The following PPARD variants were observed in gnomAD, a reference collection of about 807,000 sequenced individuals.
PPARD encodes peroxisome proliferator activated receptor delta.
PPARD carries 6 observed loss-of-function variants against 39.5 expected under a neutral mutation model. That is an observed-to-expected ratio of 0.15 (90% CI 0.08 to 0.30). The LOEUF (loss-of-function observed/expected upper bound fraction) is 0.30. PPARD is among the 10% of genes least tolerant of loss of function. PPARD has a pLI of 1.00. For synonymous variants in PPARD, 210 were observed against 231.3 expected, an observed-to-expected ratio of 0.91 and a Z score of 0.83; for missense variants, 397 against 596.8, an observed-to-expected ratio of 0.67 and a Z score of 3.49.
At chr6:35,391,511 A>C (rs973140018) in intron 2 of PPARD, among the ~76,000 whole-genome samples, 3 of 152,254 alleles carry the variant, frequency 2.0e-5, no homozygotes, top group African/African-American at 7.2e-5. Context: ...AGTTGGCCCT[A>C]GTAAAAGTGA....
At chr6:35,348,602 T>C in intron 2 of PPARD, 1 of 985,440 alleles carries the variant, frequency 1.0e-6, no homozygotes, top group Non-Finnish European at 1.2e-6. Context: ...AGTAGCTGTT[T>C]GTGGGCTTCA....
At chr6:35,419,218 C>T (rs1192979494) in intron 3 of PPARD, among the ~76,000 whole-genome samples, 2 of 152,102 alleles carry the variant, frequency 1.3e-5, no homozygotes, top group African/African-American at 4.8e-5. Context: ...GTCATCATGG[C>T]AGAGGTAGGA....
At chr6:35,355,592 CTTCTTCTTTTT>C (rs1172218406) in intron 2 of PPARD, among the ~76,000 whole-genome samples, 1 of 49,374 alleles carries the variant, frequency 2.0e-5, no homozygotes, top group African/African-American at 1.1e-4. Flanking sequence ...CTTTCTTCTT[CTTCTTCTTTTT>C]TTTTTTTTTT....
chr6:35,376,814 A>C (rs1366592379), intron 2 of PPARD, among the ~76,000 whole-genome samples: 1 of 151,782 alleles, frequency 6.6e-6, no homozygotes. Context: ...AGGTCAGGAG[A>C]TTGAGACCAT....
At chr6:35,357,971 C>T (rs1761717218) in intron 2 of PPARD, among the ~76,000 whole-genome samples, 1 of 152,212 alleles carries the variant, frequency 6.6e-6, no homozygotes, top group African/African-American at 2.4e-5. Context: ...ACTTTTGGAG[C>T]TTGCTTCCTT....
chr6:35,392,201 G>C (rs13206255), intron 2 of PPARD, among the ~76,000 whole-genome samples: 45 of 151,460 alleles, frequency 3.0e-4, no homozygotes, highest in African/African-American at 1.1e-3. Flanking sequence ...GGCTGGAACC[G>C]CACCAGCAGC....
At chr6:35,380,963 A>G (rs1259022251) in intron 2 of PPARD, among the ~76,000 whole-genome samples, 1 of 151,778 alleles carries the variant, frequency 6.6e-6, no homozygotes, top group East Asian at 1.9e-4. Context: ...TCCTCTCTCC[A>G]CCGCTCCATC....
chr6:35,349,957 G>T (rs1385564677), intron 2 of PPARD, among the ~76,000 whole-genome samples: 2 of 152,008 alleles, frequency 1.3e-5, no homozygotes, highest in African/African-American at 4.8e-5. Context: ...GGCCAGGCTG[G>T]TCTCGAACTC....
chr6:35,402,240 T>C (rs1213881576), intron 2 of PPARD, among the ~76,000 whole-genome samples: 1 of 152,218 alleles, frequency 6.6e-6, no homozygotes, highest in Middle Eastern at 3.2e-3. Flanking sequence ...CCTTAACATT[T>C]GTGGCCATGT....
intron 2 of PPARD, among the ~76,000 whole-genome samples, chr6:35,373,669 C>G (rs867203531): frequency 3.1e-4 from 25 of 81,112 alleles, no homozygotes; most frequent in Non-Finnish European, 4.6e-4. Flanking sequence ...TTGTTTCTTT[C>G]TTTCTTTTTT....
At chr6:35,416,875 C>CT (rs1302036789) in intron 3 of PPARD, among the ~76,000 whole-genome samples, 1 of 152,168 alleles carries the variant, frequency 6.6e-6, no homozygotes, top group Non-Finnish European at 1.5e-5. Context: ...TTTCTTATCT[C>CT]TTTCTCTTTT....
At chr6:35,355,912 C>T (rs2150464796) in intron 2 of PPARD, among the ~76,000 whole-genome samples, 1 of 151,842 alleles carries the variant, frequency 6.6e-6, no homozygotes, top group East Asian at 1.9e-4. Flanking sequence ...TGCCCGACCT[C>T]TTTCTTATAT....
chr6:35,357,063 A>G (rs1253159125), intron 2 of PPARD, among the ~76,000 whole-genome samples: 1 of 152,148 alleles, frequency 6.6e-6, no homozygotes, highest in Non-Finnish European at 1.5e-5. Context: ...GTGCTTTTCC[A>G]AGTCATTTTG....
At chr6:35,342,753 G>C (rs545959242) in intron 1 of PPARD, 72 bp downstream of exon 1, 2 of 152,526 alleles carry the variant, frequency 1.3e-5, no homozygotes, top group South Asian at 2.1e-4. Context: ...GAGGCGGCCA[G>C]CGGGACTGGG....
chr6:35,377,619 T>A (rs529746116), intron 2 of PPARD, among the ~76,000 whole-genome samples: 1 of 152,328 alleles, frequency 6.6e-6, no homozygotes, highest in South Asian at 2.1e-4. Flanking sequence ...ATAACTCAGC[T>A]TTCTCATCTG....
intron 2 of PPARD, among the ~76,000 whole-genome samples, chr6:35,409,447 G>A (rs1339424764): frequency 3.3e-5 from 5 of 152,024 alleles, no homozygotes; most frequent in Non-Finnish European, 5.9e-5. Context: ...AAAGGCTGCA[G>A]TGAGCCATGA....
Position 35,424,955 on chromosome 6 carries a change from T to C in PPARD, c.1078+176T>C. 3 of 1,433,198 alleles carry C rather than the reference T, an allele frequency of 2.1e-6. No individual in the cohort carries two copies. Among genetic ancestry groups the C allele is most frequent in the South Asian group, 1.5e-5 (1 of 66,898 alleles). 88.8% of individuals were successfully genotyped at this position (1,433,198 alleles called of 1,614,324 possible). On this transcript the variant is annotated intron_variant, in intron 7 of 7. Coordinates refer to ENST00000360694, the MANE Select transcript of PPARD (RefSeq NM_006238.5). The surrounding 1 kb of genome is among the most constrained non-coding windows in gnomAD (Gnocchi z 7.1). Reference sequence around the variant, plus strand: ...ATGCAGGATCAGCTCCATCTCATTATGTACGTAGATAGAGGTGGAGACAGG... The same window carrying C: ...ATGCAGGATCAGCTCCATCTCATTACGTACGTAGATAGAGGTGGAGACAGG...
intron 2 of PPARD, among the ~76,000 whole-genome samples, chr6:35,384,022 C>G (rs1581590909): frequency 6.7e-6 from 1 of 148,412 alleles, no homozygotes; most frequent in African/African-American, 2.6e-5. Context: ...CCAGCCGCCC[C>G]GTCAGGGAGG....
chr6:35,414,912 C>T (rs371274212), intron 3 of PPARD, among the ~76,000 whole-genome samples: 1 of 152,158 alleles, frequency 6.6e-6, no homozygotes, highest in Non-Finnish European at 1.5e-5. Context: ...CACCCTCCCC[C>T]CAGCCAGGCA....
Sources: gnomAD v4.1 joint callset for allele counts (sites outside exome capture counted in the v4.1 genomes callset) on GRCh38, gnomAD v4.1.1 for gene constraint, Gnocchi (gnomAD v3.1) non-coding constraint, MANE v1.5 for transcripts, NCBI Gene and HGNC (gene_info 2026-07-23, HGNC 2026-07-21) for gene names.